ZNF385D: variants seen among roughly 807,000 people sequenced by gnomAD.
The protein encoded by ZNF385D is zinc finger protein 659.
Under a neutral mutation model 35.8 loss-of-function variants are expected in ZNF385D, and 15 were observed. That is an observed-to-expected ratio of 0.42 (90% confidence interval 0.28 to 0.64). The LOEUF is 0.64. Among genes scored for constraint, ZNF385D ranks in the 30% least tolerant of loss-of-function variants. The pLI is 0.23. For missense variants in ZNF385D, 474 were observed against 494.6 expected (o/e 0.96, Z 0.39); for synonymous variants, 212 against 186.8 (o/e 1.13, Z -1.10).
chr3:21,841,450 G>T (rs764151040), intron 3 of ZNF385D, among the ~76,000 whole-genome samples: 1 of 151,874 alleles, frequency 6.6e-6, no homozygotes, highest in Non-Finnish European at 1.5e-5. Flanking sequence ...AAAAAAGTCA[G>T]ACTACTGTAT....
chr3:22,316,431 T>A (rs1259412925), intron 2 of ZNF385D, among the ~76,000 whole-genome samples: 1 of 152,194 alleles, frequency 6.6e-6, no homozygotes, highest in Non-Finnish European at 1.5e-5. Flanking sequence ...ATATTTTAAT[T>A]TATAGGTTGC....
At chr3:21,927,460 T>C (rs1700786400) in intron 3 of ZNF385D, among the ~76,000 whole-genome samples, 2 of 152,190 alleles carry the variant, frequency 1.3e-5, no homozygotes, top group Non-Finnish European at 2.9e-5. Flanking sequence ...ACAACTCGTA[T>C]GTTCTTCAAC....
chr3:21,968,693 G>A (rs374574408), intron 3 of ZNF385D, among the ~76,000 whole-genome samples: 1 of 152,202 alleles, frequency 6.6e-6, no homozygotes, highest in African/African-American at 2.4e-5. Flanking sequence ...GAGAGCTCTT[G>A]GGCCCTAAAT....
chr3:21,911,543 T>C (rs867084196), intron 3 of ZNF385D, among the ~76,000 whole-genome samples: 2 of 152,026 alleles, frequency 1.3e-5, no homozygotes, highest in Non-Finnish European at 1.5e-5. Flanking sequence ...CCTCATAATG[T>C]TGTTTTGAGA....
At chr3:21,554,477 C>T (rs1039709151) in intron 3 of ZNF385D, among the ~76,000 whole-genome samples, 1 of 152,092 alleles carries the variant, frequency 6.6e-6, no homozygotes, top group African/African-American at 2.4e-5. Context: ...TAGTGAAATT[C>T]TTAAGGGCCC....
At chr3:21,747,009 T>A (rs778600450) in intron 1 of ZNF385D, among the ~76,000 whole-genome samples, 13 of 151,590 alleles carry the variant, frequency 8.6e-5, no homozygotes, top group Non-Finnish European at 1.8e-4. Flanking sequence ...GGGAATAGGG[T>A]TCTGTCCTAG....
intron 2 of ZNF385D, among the ~76,000 whole-genome samples, chr3:22,217,528 T>C (rs1328413298): frequency 1.3e-5 from 2 of 152,178 alleles, no homozygotes; most frequent in South Asian, 2.1e-4. Flanking sequence ...TAAGGTTATA[T>C]TTTGAAGTAC....
chr3:21,637,321 T>C (rs924693270), intron 2 of ZNF385D, among the ~76,000 whole-genome samples: 1 of 152,084 alleles, frequency 6.6e-6, no homozygotes, highest in African/African-American at 2.4e-5. Context: ...CTACAGGTGG[T>C]TTGCCAATTA....
intron 1 of ZNF385D, among the ~76,000 whole-genome samples, chr3:21,680,944 C>A (rs1023648501): frequency 2.6e-5 from 4 of 152,164 alleles, no homozygotes; most frequent in African/African-American, 4.8e-5. Context: ...CAATGTTACA[C>A]ACACAGCCTT....
chr3:22,043,467 T>G (rs183192257), intron 3 of ZNF385D, among the ~76,000 whole-genome samples: 1 of 152,086 alleles, frequency 6.6e-6, no homozygotes, highest in African/African-American at 2.4e-5. Flanking sequence ...GAAAGTATAA[T>G]TATCAAATTT....
intron 3 of ZNF385D, among the ~76,000 whole-genome samples, chr3:22,131,268 T>C (rs1411516543): frequency 1.3e-5 from 2 of 152,124 alleles, no homozygotes; most frequent in South Asian, 2.1e-4. Context: ...AGATGAGGAC[T>C]GAGCTGACCT....
At chr3:21,798,804 A>G (rs10780012) in intron 3 of ZNF385D, among the ~76,000 whole-genome samples, 24,215 of 152,158 alleles carry the variant, frequency 0.16, 2,141 homozygotes, top group Non-Finnish European at 0.19. Context: ...ACTTTATTTT[A>G]TAAAGTAAAA....
At chr3:22,037,974 G>C (rs1004803955) in intron 3 of ZNF385D, among the ~76,000 whole-genome samples, 1 of 152,048 alleles carries the variant, frequency 6.6e-6, no homozygotes, top group African/African-American at 2.4e-5. Flanking sequence ...ACAAGAAATG[G>C]GGAAAGGATT....
chr3:21,805,931 T>C (rs1376383044), intron 3 of ZNF385D, among the ~76,000 whole-genome samples: 1 of 152,166 alleles, frequency 6.6e-6, no homozygotes, highest in East Asian at 1.9e-4. Context: ...TGCAATAGAC[T>C]ACAAGATGGC....
chr3:22,314,993 A>G (rs1703806058), intron 2 of ZNF385D, among the ~76,000 whole-genome samples: 1 of 152,184 alleles, frequency 6.6e-6, no homozygotes, highest in Non-Finnish European at 1.5e-5. Context: ...GTAGGTCTTG[A>G]AGAAAGCACC....
At chr3:22,021,785 A>G (rs12636438) in intron 3 of ZNF385D, among the ~76,000 whole-genome samples, 27,395 of 151,954 alleles carry the variant, frequency 0.18, 3,521 homozygotes, top group East Asian at 0.45. Flanking sequence ...ACTTGTCTAT[A>G]TCTTGGAATG....
chr3:22,070,757 A>C (rs1700190284), intron 3 of ZNF385D, among the ~76,000 whole-genome samples: 1 of 152,156 alleles, frequency 6.6e-6, no homozygotes, highest in Non-Finnish European at 1.5e-5. Context: ...TGAGTTGTGA[A>C]AGTAAGTCAT....
intron 3 of ZNF385D, among the ~76,000 whole-genome samples, chr3:22,071,660 T>G (rs1700234360): frequency 6.6e-6 from 1 of 152,164 alleles, no homozygotes; most frequent in African/African-American, 2.4e-5. Context: ...ATATCCCTGA[T>G]TATTTGAGTA....
At chr3:21,817,288 A>T (rs530338161) in intron 3 of ZNF385D, among the ~76,000 whole-genome samples, 85 of 152,298 alleles carry the variant, frequency 5.6e-4, no homozygotes, top group Non-Finnish European at 9.6e-4. Context: ...GGACTTCATG[A>T]CTATAACACC....
Sources: gnomAD v4.1 joint callset for allele counts (sites outside exome capture counted in the v4.1 genomes callset) on GRCh38, gnomAD v4.1.1 for gene constraint, MANE v1.5 for transcripts, NCBI Gene and HGNC (gene_info 2026-07-23, HGNC 2026-07-21) for gene names.